The following LONP1 variants were observed in gnomAD, a reference collection of about 807,000 sequenced individuals.
The protein encoded by LONP1 is lon peptidase 1, mitochondrial.
A neutral mutation model predicts 98.5 loss-of-function variants in LONP1; 31 were observed. The ratio of observed to expected loss-of-function variants is 0.31; its 90% CI spans 0.24 to 0.42. The LOEUF is 0.42. Ranked by LOEUF, LONP1 falls within the 20% of genes least tolerant of loss-of-function variation. The pLI, the probability that LONP1 is intolerant of heterozygous loss-of-function variation, is 1.00. For synonymous variants in LONP1, 781 were observed against 594.7 expected (o/e 1.31, Z -4.56); for missense variants, 1,336 against 1,350.6 (o/e 0.99, Z 0.17).
chr19:5,693,570 G>A lies in LONP1; in HGVS notation c.2520C>T (p.Ile840=). 2.5e-6 allele frequency: 4 copies of A among 1,614,094 alleles called. No homozygotes were observed. The highest frequency in any genetic ancestry group is 3.4e-6 in the Non-Finnish European group (4 of 1,179,996). Residue 840 remains isoleucine, a synonymous_variant, in exon 16 of 18, where the codon ATC becomes ATT. Transcript: ENST00000360614. ...PANDYLVTSH[I]HLHVPEGATP... is the part of the protein sequence containing the mutation. ...CGGTCACCTCGGGCACATGCAGGTGGATGTGTGAGGTCACCAGGTAGTCAT... is the reference window on the plus strand; with the variant it reads ...CGGTCACCTCGGGCACATGCAGGTGAATGTGTGAGGTCACCAGGTAGTCAT...
chr19:5,695,796 C>T (rs907636037), intron 13 of LONP1, among the ~76,000 whole-genome samples: 1 of 152,198 alleles, frequency 6.6e-6, no homozygotes, highest in Non-Finnish European at 1.5e-5. Flanking sequence ...CTGGAGGCCC[C>T]GGGAGACAGA....
rs765654884 is a variant in LONP1 at position 5,719,722 on chromosome 19, G to C, written c.411C>G (p.Arg137=). 5.0e-6 allele frequency: 8 copies of C among 1,613,758 alleles called. No individual in the cohort carries two copies. The highest frequency in any genetic ancestry group is 3.3e-5 in the Admixed American group (2 of 60,002). The part of the protein sequence containing the change: ...IAITRNPVFP[R]FIKIIEVKNK... The stretch of plus-strand genomic sequence containing the variant: ...CCATTACCTCGATAATCTTGATAAA[G>C]CGCGGGAACACCGGGTTGCGGGTGA... Residue 137 remains arginine, a synonymous_variant, in exon 1 of 18, where the codon CGC becomes CGG. Coordinates refer to ENST00000360614, the MANE Select transcript of LONP1 (RefSeq NM_004793.4).
intron 10 of LONP1, among the ~76,000 whole-genome samples, chr19:5,698,329 A>G (rs979844193): frequency 2.0e-5 from 3 of 152,190 alleles, no homozygotes; most frequent in African/African-American, 7.2e-5. Flanking sequence ...GCCTTGCAGG[A>G]TGGAAACACG....
intron 8 of LONP1, among the ~76,000 whole-genome samples, chr19:5,705,512 C>T (rs756754096): frequency 1.3e-5 from 2 of 151,498 alleles, no homozygotes; most frequent in East Asian, 1.9e-4. Flanking sequence ...TCCCTGGGCT[C>T]AAATCCGTGG....
At chr19:5,698,585 C>T (rs1042212573) in intron 10 of LONP1, among the ~76,000 whole-genome samples, 71 of 152,310 alleles carry the variant, frequency 4.7e-4, no homozygotes, top group Non-Finnish European at 5.9e-4. Flanking sequence ...CGGCCCGGTC[C>T]TCACTGGAGA....
chr19:5,692,157 C>T lies in LONP1; in HGVS notation c.2755G>A (p.Asp919Asn), dbSNP rs1387183050. The change falls in exon 18 of 18, where the codon GAC (aspartate) becomes AAC (asparagine). Residue 919 changes from aspartate to asparagine, a missense_variant. Physicochemically the swap from Asp to Asn is conservative, Grantham distance 23. Transcript: ENST00000360614. Reference protein sequence around the residue: ...CIVLPAENKKDFYDLAAFITE... With the variant: ...CIVLPAENKKNFYDLAAFITE... The stretch of plus-strand genomic sequence containing the variant: ...ATGAAGGCTGCCAGGTCGTAGAAGT[C>T]CTTCTTGTTCTCGGCTGGCAGGACG... 2.5e-6 allele frequency: 4 copies of T among 1,614,008 alleles called. No homozygotes were observed. The highest frequency in any genetic ancestry group is 1.6e-4 in the Middle Eastern group (1 of 6,078).
At chr19:5,717,342 A>AG (rs1161537370) in intron 1 of LONP1, 2 of 152,208 alleles carry the variant, frequency 1.3e-5, no homozygotes, top group Non-Finnish European at 2.9e-5. Context: ...AACAGCTGAT[A>AG]GCTGCATCCT....
chr19:5,709,907 C>CAA (rs755774542), intron 4 of LONP1, among the ~76,000 whole-genome samples: 488 of 38,668 alleles, frequency 0.013, 68 homozygotes, highest in African/African-American at 0.052. Context: ...GGCTCCATCT[C>CAA]AAAAAAAAAA....
At chr19:5,707,315 A>G (rs1440678336) in intron 6 of LONP1, among the ~76,000 whole-genome samples, 172 bp from the exon 7 acceptor site, 1 of 152,176 alleles carries the variant, frequency 6.6e-6, no homozygotes, top group Non-Finnish European at 1.5e-5. Context: ...CGTGCTGGAA[A>G]CGCATCCTAC....
chr19:5,696,126 C>T lies in LONP1; in HGVS notation c.1941G>A (p.Glu647=). 1 of 1,613,100 alleles carries T rather than the reference C, an allele frequency of 6.2e-7. No homozygotes were observed. Among genetic ancestry groups the T allele is most frequent in the South Asian group, 1.1e-5 (1 of 91,088 alleles). ...TCATCTCCATACGGTCTCGCAGCGG[C>T]TCGGGGATGGTGTCCGTGACGTTGG... The part of the protein sequence containing the change: ...CTANVTDTIP[E]PLRDRMEMIN... The change falls in exon 13 of 18, where the codon GAG becomes GAA. Residue 647 remains glutamate (E), a synonymous_variant. Coordinates refer to ENST00000360614, the MANE Select transcript of LONP1 (RefSeq NM_004793.4).
At chr19:5,693,998 G>A (rs1380046451) in intron 15 of LONP1, among the ~76,000 whole-genome samples, 4 of 152,170 alleles carry the variant, frequency 2.6e-5, no homozygotes, top group African/African-American at 9.7e-5. Flanking sequence ...GCCAGCCACA[G>A]AGGACACGCC....
chr19:5,709,551 T>A (rs189571811), intron 4 of LONP1, among the ~76,000 whole-genome samples: 2 of 152,020 alleles, frequency 1.3e-5, no homozygotes. Context: ...GACGCTGAAC[T>A]GTCTGAGCTG....
chr19:5,697,372 GGA>G (rs1265125553), intron 10 of LONP1, among the ~76,000 whole-genome samples: 4 of 151,922 alleles, frequency 2.6e-5, no homozygotes, highest in East Asian at 1.9e-4. Context: ...ACGCACGTGA[GGA>G]GAGAGCCACG....
chr19:5,702,741 C>T (rs1461873270), intron 8 of LONP1, among the ~76,000 whole-genome samples: 3 of 151,870 alleles, frequency 2.0e-5, no homozygotes, highest in Non-Finnish European at 2.9e-5. Flanking sequence ...CTCTCTGAAA[C>T]ATGTGCTGTG....
chr19:5,701,033 G>A (rs895668541), intron 8 of LONP1, 106 bp from the exon 9 acceptor site: 5 of 1,309,316 alleles, frequency 3.8e-6, no homozygotes, highest in Non-Finnish European at 5.5e-6. Context: ...CATGTGTGGG[G>A]CTGAGCGCGG....
intron 10 of LONP1, among the ~76,000 whole-genome samples, chr19:5,697,034 A>G (rs561322148): frequency 8.1e-4 from 124 of 152,292 alleles, no homozygotes; most frequent in Non-Finnish European, 1.3e-3. Context: ...TGAAAGCCAG[A>G]CAGGCGCTGG....
intron 4 of LONP1, among the ~76,000 whole-genome samples, chr19:5,709,907 C>CAAAAAAAAAAAAAAAAAAAAAAA (rs755774542): frequency 7.8e-5 from 3 of 38,680 alleles, no homozygotes; most frequent in Admixed American, 4.2e-4. Context: ...GGCTCCATCT[C>CAAAAAAAAAAAAAAAAAAAAAAA]AAAAAAAAAA....
At chr19:5,697,312 C>CT (rs762764717) in intron 10 of LONP1, among the ~76,000 whole-genome samples, 76 of 151,924 alleles carry the variant, frequency 5.0e-4, no homozygotes, top group Non-Finnish European at 6.6e-4. Context: ...GTGTGTGACA[C>CT]TTTAAGTGTG....
chr19:5,694,460 G>T lies in LONP1; in HGVS notation c.2247C>A (p.Pro749=), dbSNP rs150624477. The change falls in exon 15 of 18, where the codon CCC becomes CCA. Residue 749 remains proline (P), a synonymous_variant. Transcript: ENST00000360614. The stretch of plus-strand genomic sequence containing the variant: ...CATACATGCGCTCCACGGTGAACAC[G>T]GGCTTCCCCACGAAGTCCTGCAGGT... ...PENLQDFVGK[P]VFTVERMYDV... 1.2e-6 allele frequency: 2 copies of T among 1,613,380 alleles called. No individual in the cohort carries two copies. The highest frequency in any genetic ancestry group is 2.2e-5 in the East Asian group (1 of 44,886).
Sources: allele counts gnomAD v4.1 joint callset (sites outside exome capture counted in the v4.1 genomes callset), GRCh38; gene constraint gnomAD v4.1.1; transcripts MANE v1.5; gene names NCBI Gene and HGNC (gene_info 2026-07-23, HGNC 2026-07-21).